Variants in LRP4 observed in about 807,000 individuals in gnomAD.
The protein encoded by LRP4 is LDL receptor related protein 4, also known as low-density lipoprotein receptor-related protein 4.
A neutral mutation model predicts 220.3 loss-of-function variants in LRP4; 95 were observed. That is an observed-to-expected ratio of 0.43 (90% CI 0.37 to 0.51). The LOEUF is 0.51. Among genes scored for constraint, LRP4 ranks in the 20% least tolerant of loss-of-function variants. The probability of loss-of-function intolerance (pLI) is 0.00; values close to 1 mark genes in which losing one functional copy is unlikely to be tolerated. For missense variants in LRP4, 1,925 were observed against 2,567.0 expected (o/e 0.75, Z 5.40); for synonymous variants, 903 against 954.6 (o/e 0.95, Z 1.00).
chr11:46,912,288 T>C (rs1941872992), intron 1 of LRP4, among the ~76,000 whole-genome samples: 1 of 152,158 alleles, frequency 6.6e-6, no homozygotes, highest in South Asian at 2.1e-4. Context: ...GCTCCAGAAA[T>C]ACATTTGGAT....
rs1941375449 is a variant in LRP4 at position 46,889,551 on chromosome 11, G to C, written c.2093-18C>G. 6.2e-7 allele frequency: 1 copy of C among 1,612,932 alleles called. No homozygotes were observed. The highest frequency in any genetic ancestry group is 8.5e-7 in the Non-Finnish European group (1 of 1,180,014). On this transcript the variant is annotated intron_variant, in intron 15 of 37. Transcript: ENST00000378623. ...GTTTTTCCCTGCTCAAAGAGCCCAGGGCAAGAGGATCAGCGAAGGTCTGCA... is the reference window on the plus strand; with the variant it reads ...GTTTTTCCCTGCTCAAAGAGCCCAGCGCAAGAGGATCAGCGAAGGTCTGCA...
chr11:46,898,180 C>A (rs1941584686), intron 7 of LRP4, among the ~76,000 whole-genome samples: 1 of 152,068 alleles, frequency 6.6e-6, no homozygotes, highest in Non-Finnish European at 1.5e-5. Flanking sequence ...GGCGGCCAGG[C>A]AGAGGCGCCC....
At chr11:46,871,461 A>G in intron 31 of LRP4, 64 bp downstream of exon 31, 1 of 1,133,588 alleles carries the variant, frequency 8.8e-7, no homozygotes, top group Admixed American at 1.9e-5. Context: ...GAGACTGCTG[A>G]CTTAGAACCC....
chr11:46,866,912 T>C (rs1249263364), intron 34 of LRP4, among the ~76,000 whole-genome samples: 1 of 151,360 alleles, frequency 6.6e-6, no homozygotes, highest in African/African-American at 2.4e-5. Context: ...GGTGACAGAG[T>C]GAGATCCTGT....
rs980641639 is a variant in LRP4, at chr11:46,911,597, A to T, written c.52+6731T>A. Among the ~76,000 whole-genome samples, 17 of 98,138 alleles carry T rather than the reference A, an allele frequency of 1.7e-4. 2 individuals carry two copies. The highest frequency in any genetic ancestry group is 6.1e-4 in the African/African-American group (17 of 27,688). The allele number at this position is 98,138 out of a possible 152,430, so 64.4% of individuals were successfully genotyped here. ...GAGTGAGAACCTGTCTCAAAAAAAA[A>T]AAATAAATAAATAAATAAAAATAAA... On this transcript the variant is annotated intron_variant, in intron 1 of 37. Coordinates refer to ENST00000378623, the MANE Select transcript of LRP4 (RefSeq NM_002334.4).
rs1941031402 is a variant in LRP4 at position 46,876,744 on chromosome 11, C to T, written c.3364G>A (p.Gly1122Arg). 6.2e-7 allele frequency: 1 copy of T among 1,614,188 alleles called. No individual in the cohort carries two copies. Among genetic ancestry groups the T allele is most frequent in the Non-Finnish European group, 8.5e-7 (1 of 1,180,034 alleles). ...TCCCTGGGCTAGGAGGAAGGCCCAC[C>T]TGTGGTGATGATGTCCTCATGCTGT... ...GSQHEDIITT[G>R]LQTTDGLAVD... is the part of the protein sequence containing the mutation. The change falls in exon 24 of 38, where the codon GGG becomes AGG. Residue 1122 changes from glycine to arginine, a missense_variant and splice_region_variant. Physicochemically the swap from Gly to Arg is moderately radical, Grantham distance 125. This residue lies in a region of LRP4 where 1,244 missense variants were observed against 1,624.9 expected (regional missense o/e 0.77). Coordinates refer to ENST00000378623, the MANE Select transcript of LRP4 (RefSeq NM_002334.4).
chr11:46,858,770 G>A lies in LRP4; in HGVS notation c.*213C>T. On this transcript the variant is annotated 3_prime_UTR_variant, in exon 38 of 38. Coordinates refer to ENST00000378623, the MANE Select transcript of LRP4 (RefSeq NM_002334.4). Reference sequence around the variant, plus strand: ...ATGTGAGGTTCATGGTAAAATCCAGGTCTAAATTCTCGTGATGTGCCATCA... The same window carrying A: ...ATGTGAGGTTCATGGTAAAATCCAGATCTAAATTCTCGTGATGTGCCATCA... The A allele has an allele frequency of 1.6e-6, 1 of 619,092 alleles. No homozygotes were observed. The highest frequency in any genetic ancestry group is 1.8e-5 in the South Asian group (1 of 55,644). The allele number at this position is 619,092 out of a possible 1,614,324, so 38.3% of individuals were successfully genotyped here.
At position 46,868,621 on chromosome 11, in the gene LRP4, C is replaced by G. The variant is rs192480207; in HGVS notation, c.4930G>C (p.Asp1644His). 14 of 1,614,084 alleles carry G rather than the reference C, an allele frequency of 8.7e-6. 1 individual carries two copies. The Middle Eastern group carries it at 4.9e-4, about 57-fold the overall frequency. Reference protein sequence around the residue: ...DFVCACPDEPDSRPCSLVPGL... With the variant: ...DFVCACPDEPHSRPCSLVPGL... ...TCACCAAGGGAGCAGGGCCGGCTAT[C>G]AGGTTCGTCAGGACAGGCACATACG... The change falls in exon 33 of 38, where the codon GAT (aspartate) becomes CAT (histidine). Residue 1644 changes from aspartate to histidine, a missense_variant. Physicochemically the swap from Asp to His is moderately conservative, Grantham distance 81. This residue lies in a region of LRP4 where 1,244 missense variants were observed against 1,624.9 expected (regional missense o/e 0.77). Coordinates refer to ENST00000378623, the MANE Select transcript of LRP4 (RefSeq NM_002334.4).
In LRP4 at chr11:46,873,609, G is replaced by C; in HGVS notation, c.4230-16C>G. 1 of 1,604,132 alleles carries C rather than the reference G, an allele frequency of 6.2e-7. No individual in the cohort carries two copies. Among genetic ancestry groups the C allele is most frequent in the Middle Eastern group, 1.7e-4 (1 of 6,040 alleles). On this transcript the variant is annotated splice_polypyrimidine_tract_variant and intron_variant, in intron 28 of 37. Transcript: ENST00000378623. This position sits in a 1 kb window ranked among gnomAD's most constrained non-coding sequence, Gnocchi z 4.2. ...GTCTGCTCGCCTTGGGGAGAGCCCA[G>C]TGTTGGATGAGCAACCAGACTGACC...
chr11:46,906,622 TATTAAGA>T (rs1185333312), intron 1 of LRP4, among the ~76,000 whole-genome samples: 1 of 152,190 alleles, frequency 6.6e-6, no homozygotes, highest in Non-Finnish European at 1.5e-5. Context: ...AAGGCCTTGA[TATTAAGA>T]ATCAGAGTAC....
At chr11:46,881,178 C>T (rs1489646404) in intron 20 of LRP4, among the ~76,000 whole-genome samples, 3 of 149,822 alleles carry the variant, frequency 2.0e-5, no homozygotes, top group Non-Finnish European at 4.4e-5. Flanking sequence ...GAAATGTGCA[C>T]AGGAATAGTC....
chr11:46,896,804 C>T, intron 8 of LRP4, 65 bp downstream of exon 8: 1 of 1,610,854 alleles, frequency 6.2e-7, no homozygotes, highest in Non-Finnish European at 8.5e-7. Flanking sequence ...ACCAAAGCAC[C>T]CTCTTTTCCA....
Position 46,871,703 on chromosome 11 carries a change from C to T in LRP4, c.4584-70G>A. ...GGAGCCCAGCTCTTCCCCCTATGAACCTGTTTGTCCCCTCCTGAGCTGACT... is the reference window on the plus strand; with the variant it reads ...GGAGCCCAGCTCTTCCCCCTATGAATCTGTTTGTCCCCTCCTGAGCTGACT... On this transcript the variant is annotated intron_variant, in intron 30 of 37. Coordinates refer to ENST00000378623, the MANE Select transcript of LRP4 (RefSeq NM_002334.4). 4.0e-6 allele frequency: 4 copies of T among 1,004,310 alleles called. No individual in the cohort carries two copies. In the East Asian group the frequency reaches 1.0e-4, roughly 26 times the overall value. The allele number at this position is 1,004,310 out of a possible 1,614,324, so 62.2% of individuals were successfully genotyped here.
chr11:46,867,547 C>T (rs771071885), intron 34 of LRP4, among the ~76,000 whole-genome samples: 19 of 152,282 alleles, frequency 1.2e-4, no homozygotes, highest in Non-Finnish European at 2.1e-4. Context: ...CCGCAACCTC[C>T]GCCTCCTGGG....
rs574915120 is a variant in LRP4, at chr11:46,899,174, C to T, written c.548-142G>A. ...TAACCAGGTTTCATCTGGGACAGCC[C>T]TTATAGACGCCCATATTCAGGTGGA... On this transcript the variant is annotated intron_variant, in intron 5 of 37. Coordinates refer to ENST00000378623, the MANE Select transcript of LRP4 (RefSeq NM_002334.4). This position sits in a 1 kb window ranked among gnomAD's most constrained non-coding sequence, Gnocchi z 5.9. The T allele has an allele frequency of 1.1e-6, 1 of 931,856 alleles. No individual in the cohort carries two copies. Among genetic ancestry groups the T allele is most frequent in the African/African-American group, 1.6e-5 (1 of 61,968 alleles). The allele number at this position is 931,856 out of a possible 1,614,324, so 57.7% of individuals were successfully genotyped here. A position where few individuals can be genotyped will look rare whatever the true frequency, so the allele number is the denominator to read the frequency against.
chr11:46,868,593 A>C lies in LRP4; in HGVS notation c.4951+7T>G. On this transcript the variant is annotated splice_region_variant and intron_variant, in intron 33 of 37. Coordinates refer to ENST00000378623, the MANE Select transcript of LRP4 (RefSeq NM_002334.4). ...CCGAGTGGCTCCAGCCATACAGTCC[A>C]ACTCACCAAGGGAGCAGGGCCGGCT... 1 of 1,604,572 alleles carries C rather than the reference A, an allele frequency of 6.2e-7. No homozygotes were observed. Among genetic ancestry groups the C allele is most frequent in the Non-Finnish European group, 8.5e-7 (1 of 1,171,174 alleles).
At chr11:46,905,626 G>A (rs574996361) in intron 1 of LRP4, among the ~76,000 whole-genome samples, 7 of 152,112 alleles carry the variant, frequency 4.6e-5, no homozygotes, top group South Asian at 2.1e-4. Context: ...CCAGGTGGGC[G>A]GATCACCTGA....
At position 46,894,534 on chromosome 11, in the gene LRP4, C is replaced by T. The variant is rs773594298; in HGVS notation, c.1540+55G>A. 47 of 1,383,766 alleles carry T rather than the reference C, an allele frequency of 3.4e-5. 2 individuals are homozygous for T. Among genetic ancestry groups the T allele is most frequent in the South Asian group, 8.6e-5 (7 of 81,328 alleles). 85.7% of individuals were successfully genotyped at this position (1,383,766 alleles called of 1,614,324 possible). A position where few individuals can be genotyped will look rare whatever the true frequency, so the allele number is the denominator to read the frequency against. ...CAAACCACTGGCCTATTCCTCCCAC[C>T]GTTGCTGCGCATGTGGCATGGCTCT... On this transcript the variant is annotated intron_variant, in intron 12 of 37. Coordinates refer to ENST00000378623, the MANE Select transcript of LRP4 (RefSeq NM_002334.4).
At chr11:46,888,561 A>AAAAAAAAAAAAAG (rs1565792042) in intron 16 of LRP4, among the ~76,000 whole-genome samples, 3 of 148,906 alleles carry the variant, frequency 2.0e-5, no homozygotes, top group Non-Finnish European at 4.5e-5. Context: ...AAAAAAAAAA[A>AAAAAAAAAAAAAG]AAAAAAAAAA....
Sources: allele counts gnomAD v4.1 joint callset (sites outside exome capture counted in the v4.1 genomes callset), GRCh38; gene constraint gnomAD v4.1.1; regional missense constraint gnomAD v4.1.1; non-coding constraint Gnocchi (gnomAD v3.1); transcripts MANE v1.5; gene names NCBI Gene and HGNC (gene_info 2026-07-23, HGNC 2026-07-21).